Variants in MTHFD1 observed in about 807,000 individuals in gnomAD.
MTHFD1 encodes C-1-tetrahydrofolate synthase, cytoplasmic.
Under a neutral mutation model 110.3 loss-of-function variants are expected in MTHFD1, and 44 were observed. That is an observed-to-expected ratio of 0.40 (90% CI 0.31 to 0.51). The LOEUF is 0.51. Ranked by LOEUF, MTHFD1 falls within the 20% of genes least tolerant of loss-of-function variation. MTHFD1 has a pLI of 0.60. For missense variants in MTHFD1, 909 were observed against 1,173.1 expected, an observed-to-expected ratio of 0.77 and a Z score of 3.29; for synonymous variants, 402 against 428.8, an observed-to-expected ratio of 0.94 and a Z score of 0.77.
chr14:64,427,288 G>T, intron 11 of MTHFD1, 49 bp from the exon 12 acceptor site: 1 of 1,604,698 alleles, frequency 6.2e-7, no homozygotes. Flanking sequence ...TAGTGATTCA[G>T]ATACACTTAA....
chr14:64,432,690 T>G (rs59403712), intron 15 of MTHFD1, among the ~76,000 whole-genome samples: 9 of 152,234 alleles, frequency 5.9e-5, no homozygotes, highest in Admixed American at 5.2e-4. Context: ...TCAATAGATG[T>G]TAAGGGTATG....
chr14:64,413,311 C>A (rs1166442360), intron 4 of MTHFD1, among the ~76,000 whole-genome samples: 1 of 152,100 alleles, frequency 6.6e-6, no homozygotes, highest in African/African-American at 2.4e-5. Context: ...AAGATCGTAC[C>A]ATTGCACTCC....
chr14:64,421,684 C>T (rs1018961987), intron 8 of MTHFD1, among the ~76,000 whole-genome samples: 13 of 150,814 alleles, frequency 8.6e-5, no homozygotes, highest in Non-Finnish European at 1.6e-4. Context: ...AGTGCTGTGG[C>T]GCGATCTCGG....
intron 7 of MTHFD1, among the ~76,000 whole-genome samples, 188 bp from the exon 8 acceptor site, chr14:64,419,626 C>T (rs941704510): frequency 3.3e-5 from 5 of 152,130 alleles, no homozygotes; most frequent in Non-Finnish European, 5.9e-5. Flanking sequence ...GAAATGAGCA[C>T]GGCATGTGAA....
In MTHFD1 at chr14:64,458,127, G is replaced by A. The variant is rs1018047140; in HGVS notation, c.2719-87G>A. The A allele has an allele frequency of 1.2e-5, 13 of 1,066,012 alleles. No homozygotes were observed. The African/African-American group carries it at 2.0e-4, about 17-fold the overall frequency. The allele number at this position is 1,066,012 out of a possible 1,614,324, so 66.0% of individuals were successfully genotyped here. The stretch of plus-strand genomic sequence containing the variant: ...GGTGGTTTAGAACTCCTGGCCTCAA[G>A]TGATCCTCTCCACCTCAGCCTGGGA... On this transcript the variant is annotated intron_variant, in intron 26 of 27. Coordinates refer to ENST00000652337, the MANE Select transcript of MTHFD1 (RefSeq NM_005956.4).
intron 7 of MTHFD1, 140 bp from the exon 8 acceptor site, chr14:64,419,674 C>T: frequency 1.4e-6 from 1 of 710,508 alleles, no homozygotes; most frequent in Non-Finnish European, 2.5e-6. Flanking sequence ...CATTTGAGGC[C>T]TTAACCCAAT....
chr14:64,423,095 A>G (rs904726768), intron 8 of MTHFD1: 2 of 152,164 alleles, frequency 1.3e-5, no homozygotes, highest in African/African-American at 2.4e-5. Flanking sequence ...ACCTCTATCT[A>G]TATTTCCTTG....
intron 17 of MTHFD1, among the ~76,000 whole-genome samples, chr14:64,439,881 G>C (rs930422412): frequency 9.6e-5 from 12 of 125,204 alleles, no homozygotes; most frequent in African/African-American, 3.8e-4. Flanking sequence ...GCAACAGACC[G>C]AGACTCTGTC....
In MTHFD1 at chr14:64,412,480, C is replaced by A. The variant is rs748585708; in HGVS notation, c.195C>A (p.Ile65=). The part of the protein sequence containing the change: ...VKLKAAEEIG[I]KATHIKLPRT... Reference sequence around the variant, plus strand: ...TAATGTCTGTTTTGCAGATTGGGATCAAAGCCACTCACATTAAGTTACCAA... The same window carrying A: ...TAATGTCTGTTTTGCAGATTGGGATAAAAGCCACTCACATTAAGTTACCAA... The change falls in exon 4 of 28, where the codon ATC becomes ATA. Residue 65 remains isoleucine, a synonymous_variant. Coordinates refer to ENST00000652337, the MANE Select transcript of MTHFD1 (RefSeq NM_005956.4). The A allele has an allele frequency of 3.1e-6, 5 of 1,613,180 alleles. No individual in the cohort carries two copies. The highest frequency in any genetic ancestry group is 4.2e-6 in the Non-Finnish European group (5 of 1,179,196).
intron 22 of MTHFD1, 132 bp downstream of exon 22, chr14:64,444,866 AG>A: frequency 1.1e-6 from 1 of 891,346 alleles, no homozygotes; most frequent in Non-Finnish European, 1.9e-6. Context: ...AAAGGCCTGC[AG>A]TGTGCTGAGG....
chr14:64,439,033 G>A (rs530973636), intron 16 of MTHFD1, 63 bp from the exon 17 acceptor site: 1 of 1,189,702 alleles, frequency 8.4e-7, no homozygotes, highest in African/African-American at 1.5e-5. Context: ...AAACTCTGCT[G>A]CTTCCTTTAA....
intron 8 of MTHFD1, among the ~76,000 whole-genome samples, chr14:64,421,772 C>G (rs996181295): frequency 2.0e-5 from 3 of 152,008 alleles, no homozygotes; most frequent in African/African-American, 7.2e-5. Context: ...TACAGGCGCC[C>G]GCCACCACGC....
chr14:64,436,857 C>T (rs947867199), intron 16 of MTHFD1, among the ~76,000 whole-genome samples: 1 of 152,140 alleles, frequency 6.6e-6, no homozygotes, highest in African/African-American at 2.4e-5. Context: ...GTGTCTCATT[C>T]ATGTTTTCTA....
At chr14:64,401,515 C>T (rs944835836) in intron 2 of MTHFD1, among the ~76,000 whole-genome samples, 3 of 152,042 alleles carry the variant, frequency 2.0e-5, no homozygotes, top group African/African-American at 7.3e-5. Flanking sequence ...CCAGCCTGGC[C>T]AACATGGTGA....
intron 1 of MTHFD1, among the ~76,000 whole-genome samples, chr14:64,393,023 T>A (rs905659207): frequency 6.6e-6 from 1 of 152,094 alleles, no homozygotes; most frequent in East Asian, 1.9e-4. Flanking sequence ...GAAGGGCAGG[T>A]CTTCTTGGTT....
intron 18 of MTHFD1, 198 bp from the exon 19 acceptor site, chr14:64,441,187 G>A (rs534300378): frequency 6.9e-5 from 40 of 576,828 alleles, no homozygotes; most frequent in South Asian, 1.6e-4. Context: ...GCCAGACTCC[G>A]TCTCAAAAAA....
At chr14:64,420,446 C>T (rs1474907930) in intron 8 of MTHFD1, among the ~76,000 whole-genome samples, 1 of 152,158 alleles carries the variant, frequency 6.6e-6, no homozygotes. Context: ...TTACCCCTTA[C>T]TCCCGTCTTT....
At chr14:64,396,485 G>A (rs1446203763) in intron 1 of MTHFD1, among the ~76,000 whole-genome samples, 2 of 149,838 alleles carry the variant, frequency 1.3e-5, no homozygotes, top group Non-Finnish European at 3.0e-5. Context: ...TCTGCCTCCC[G>A]GGTTCAAGCG....
chr14:64,393,831 G>A (rs532659963), intron 1 of MTHFD1, among the ~76,000 whole-genome samples: 40 of 152,286 alleles, frequency 2.6e-4, no homozygotes, highest in African/African-American at 8.7e-4. Flanking sequence ...CCTTGGAGTG[G>A]AAGCAAATGG....
Sources: allele counts gnomAD v4.1 joint callset (sites outside exome capture counted in the v4.1 genomes callset), GRCh38; gene constraint gnomAD v4.1.1; transcripts MANE v1.5; gene names NCBI Gene and HGNC (gene_info 2026-07-23, HGNC 2026-07-21).